The following ADGRL1 variants were observed in gnomAD, a reference collection of about 807,000 sequenced individuals.
The protein encoded by ADGRL1 is CIRL-1.
In ADGRL1, 31 loss-of-function variants were observed where a neutral mutation model predicts 148.9. That is an observed-to-expected ratio of 0.21 (90% confidence interval 0.16 to 0.28). The LOEUF (loss-of-function observed/expected upper bound fraction) is 0.28. Among genes scored for constraint, ADGRL1 ranks in the 10% least tolerant of loss-of-function variants. ADGRL1 has a pLI of 1.00. For synonymous variants in ADGRL1, 937 were observed against 900.3 expected, an observed-to-expected ratio of 1.04 and a Z score of -0.73; for missense variants, 1,521 against 2,058.8, an observed-to-expected ratio of 0.74 and a Z score of 5.05.
At chr19:14,182,664 G>C (rs1367688744) in intron 2 of ADGRL1, among the ~76,000 whole-genome samples, 1 of 152,206 alleles carries the variant, frequency 6.6e-6, no homozygotes, top group Non-Finnish European at 1.5e-5. Flanking sequence ...GAGGGCCGGG[G>C]GTGGAAGGCT....
intron 1 of ADGRL1, among the ~76,000 whole-genome samples, chr19:14,195,726 T>C (rs969784256): frequency 6.6e-6 from 1 of 152,154 alleles, no homozygotes; most frequent in African/African-American, 2.4e-5. Flanking sequence ...TGAATTTCAA[T>C]CTGCTGTGTA....
chr19:14,169,411 G>C (rs1007241150), intron 4 of ADGRL1: 2 of 152,162 alleles, frequency 1.3e-5, no homozygotes, highest in African/African-American at 4.8e-5. Context: ...TGCTGAGCTC[G>C]CTGCCTCCCA....
At position 14,204,137 on chromosome 19, in the gene ADGRL1, G is replaced by C. The variant is rs759801074; in HGVS notation, c.-96+1848C>G. On this transcript the variant is annotated intron_variant, in intron 1 of 22. Coordinates refer to ENST00000361434, the MANE Select transcript of ADGRL1 (RefSeq NM_014921.5). Reference sequence around the variant, plus strand: ...ATTAATGGGCAAGTCAGTTCTGAACGGCATGGCAGACAAATTGCTAGTTAG... The same window carrying C: ...ATTAATGGGCAAGTCAGTTCTGAACCGCATGGCAGACAAATTGCTAGTTAG... Among the ~76,000 whole-genome samples, 6 of 152,182 alleles carry C rather than the reference G, an allele frequency of 3.9e-5. No homozygotes were observed. The South Asian group carries it at 8.3e-4, about 21-fold the overall frequency.
chr19:14,181,561 A>T (rs766292538), intron 2 of ADGRL1, among the ~76,000 whole-genome samples: 1 of 151,944 alleles, frequency 6.6e-6, no homozygotes, highest in Non-Finnish European at 1.5e-5. Context: ...TCTACTAAAA[A>T]TACAAAAAAT....
At position 14,189,725 on chromosome 19, in the gene ADGRL1, A is replaced by T. The variant is rs140443701; in HGVS notation, c.-95-6028T>A. ...GAAGGATCCTTTTTATTTTCTCCCT[A>T]GCTTTGCTGAGGCATCATTGACAAA... On this transcript the variant is annotated intron_variant, in intron 1 of 22. Coordinates refer to ENST00000361434, the MANE Select transcript of ADGRL1 (RefSeq NM_014921.5). Among the ~76,000 whole-genome samples the T allele has an allele frequency of 6.1e-4, 93 of 152,260 alleles. No homozygotes were observed. In the East Asian group the frequency reaches 0.018, roughly 29 times the overall value.
intron 2 of ADGRL1, among the ~76,000 whole-genome samples, chr19:14,182,620 C>T (rs1010637275): frequency 4.6e-5 from 7 of 152,168 alleles, no homozygotes; most frequent in African/African-American, 1.7e-4. Context: ...CATCTGCCTC[C>T]TCATCTAATT....
chr19:14,159,017 G>T lies in ADGRL1; in HGVS notation c.2149+73C>A. The T allele has an allele frequency of 1.3e-6, 2 of 1,578,870 alleles. No individual in the cohort carries two copies. ...ACCGCTGCCCTCTACAAATGGCACA[G>T]AGACGCTGGCACAGAGCTGGGGGGT... On this transcript the variant is annotated intron_variant, in intron 11 of 22. Transcript: ENST00000361434. This position sits in a 1 kb window ranked among gnomAD's most constrained non-coding sequence, Gnocchi z 6.0.
Position 14,159,626 on chromosome 19 carries a change from C to G in ADGRL1, c.1840-42G>C. On this transcript the variant is annotated intron_variant, in intron 9 of 22. Transcript: ENST00000361434. This position sits in a 1 kb window ranked among gnomAD's most constrained non-coding sequence, Gnocchi z 6.0. ...CATGGTGCTGTGAGCCCCCCAACACCCTCTAATTCCTGGGGGTGGGCTCTG... is the reference window on the plus strand; with the variant it reads ...CATGGTGCTGTGAGCCCCCCAACACGCTCTAATTCCTGGGGGTGGGCTCTG... 1 of 1,593,848 alleles carries G rather than the reference C, an allele frequency of 6.3e-7. No homozygotes were observed. Among genetic ancestry groups the G allele is most frequent in the Non-Finnish European group, 8.6e-7 (1 of 1,165,368 alleles).
chr19:14,170,573 G>A, intron 4 of ADGRL1, 109 bp downstream of exon 4: 1 of 657,970 alleles, frequency 1.5e-6, no homozygotes, highest in Non-Finnish European at 2.8e-6. Context: ...TGTCCCCACT[G>A]TGCCCAGGCC....
rs1260364954 is a variant in ADGRL1, at chr19:14,148,737, C to G, written c.*2136G>C. ...CTACCAGAAAAAGCCAGAGTTGGAA[C>G]CCAACCCCACCTCTTCCCCACACCT... On this transcript the variant is annotated 3_prime_UTR_variant, in exon 23 of 23. Transcript: ENST00000361434. 2 of 152,726 alleles carry G rather than the reference C, an allele frequency of 1.3e-5. No individual in the cohort carries two copies. Among genetic ancestry groups the G allele is most frequent in the African/African-American group, 4.8e-5 (2 of 41,444 alleles). The allele number at this position is 152,726 out of a possible 1,614,324, so 9.5% of individuals were successfully genotyped here. A position where few individuals can be genotyped will look rare whatever the true frequency, so the allele number is the denominator to read the frequency against.
intron 1 of ADGRL1, among the ~76,000 whole-genome samples, chr19:14,205,152 C>G (rs948688161): frequency 8.6e-5 from 13 of 151,958 alleles, no homozygotes; most frequent in Admixed American, 6.6e-5. Flanking sequence ...ACACAGCATC[C>G]CCCCACCCCA....
rs1007917152 is a variant in ADGRL1 at position 14,161,686 on chromosome 19, T to C, written c.1196-60A>G. 6.6e-6 allele frequency: 8 copies of C among 1,214,348 alleles called. No individual in the cohort carries two copies. In the South Asian group the frequency reaches 1.4e-4, roughly 22 times the overall value. 75.2% of individuals were successfully genotyped at this position (1,214,348 alleles called of 1,614,324 possible). A position where few individuals can be genotyped will look rare whatever the true frequency, so the allele number is the denominator to read the frequency against. On this transcript the variant is annotated intron_variant, in intron 5 of 22. Transcript: ENST00000361434. This position sits in a 1 kb window ranked among gnomAD's most constrained non-coding sequence, Gnocchi z 4.4. ...GCTCAGGGCCATGCCACAGTGTGCTTGGGCAGGGGGTCCCAGGCCATCTTA... is the reference window on the plus strand; with the variant it reads ...GCTCAGGGCCATGCCACAGTGTGCTCGGGCAGGGGGTCCCAGGCCATCTTA...
In ADGRL1 at chr19:14,177,593, G is replaced by A; in HGVS notation, c.222C>T (p.Asp74=). ...GRTDDKICDA[D]PFQMENVQCY... Reference sequence around the variant, plus strand: ...ACTGCACATTCTCCATCTGGAAAGGGTCAGCATCGCAAATCTTGTCGTCCG... The same window carrying A: ...ACTGCACATTCTCCATCTGGAAAGGATCAGCATCGCAAATCTTGTCGTCCG... The change falls in exon 3 of 23, where the codon GAC becomes GAT. Residue 74 remains aspartate, a synonymous_variant. Transcript: ENST00000361434. The A allele has an allele frequency of 6.2e-7, 1 of 1,614,232 alleles. No homozygotes were observed. Among genetic ancestry groups the A allele is most frequent in the South Asian group, 1.1e-5 (1 of 91,086 alleles).
chr19:14,175,087 C>G (rs1343790147), intron 3 of ADGRL1, among the ~76,000 whole-genome samples: 1 of 152,114 alleles, frequency 6.6e-6, no homozygotes, highest in African/African-American at 2.4e-5. Context: ...AAGCGATCCC[C>G]CTGCCTCAGC....
rs552719407 is a variant in ADGRL1, at chr19:14,201,325, G to GA, written c.-96+4659_-96+4660insT. On this transcript the variant is annotated intron_variant, in intron 1 of 22. Transcript: ENST00000361434. ...TTGTTTTTTTTTTTTGGCGGGGTGG[G>GA]GGGGGGCAAGGTTATTTTTGGCCTG... Among the ~76,000 whole-genome samples, 116 of 144,096 alleles carry GA rather than the reference G, an allele frequency of 8.1e-4. 1 individual carries two copies. The highest frequency in any genetic ancestry group is 2.8e-3 in the African/African-American group (109 of 39,104). The allele number at this position is 144,096 out of a possible 152,430, so 94.5% of individuals were successfully genotyped here. A position where few individuals can be genotyped will look rare whatever the true frequency, so the allele number is the denominator to read the frequency against.
chr19:14,183,193 C>CAGAGAGAGAGGG (rs1971322561), intron 2 of ADGRL1, among the ~76,000 whole-genome samples: 1 of 145,306 alleles, frequency 6.9e-6, no homozygotes, highest in South Asian at 2.2e-4. Flanking sequence ...GATGTAATCA[C>CAGAGAGAGAGGG]AGAGAGAGAG....
intron 1 of ADGRL1, among the ~76,000 whole-genome samples, chr19:14,197,353 T>C (rs1487699302): frequency 1.3e-5 from 2 of 152,166 alleles, no homozygotes; most frequent in Admixed American, 6.5e-5. Flanking sequence ...AAAAATTCCC[T>C]GCCCCCGCCC....
chr19:14,152,390 C>A lies in ADGRL1; in HGVS notation c.3568G>T (p.Gly1190Trp). The A allele has an allele frequency of 6.2e-7, 1 of 1,601,616 alleles. No individual in the cohort carries two copies. Among genetic ancestry groups the A allele is most frequent in the Non-Finnish European group, 8.5e-7 (1 of 1,172,226 alleles). Residue 1190 changes from glycine (G) to tryptophan (W), a missense_variant, in exon 21 of 23, where the codon GGG (glycine) becomes TGG (tryptophan). Physicochemically the swap from Gly to Trp is radical, Grantham distance 184. Coordinates refer to ENST00000361434, the MANE Select transcript of ADGRL1 (RefSeq NM_014921.5). The surrounding 1 kb of genome is among the most constrained non-coding windows in gnomAD (Gnocchi z 6.1). ...AGGGTGTTGTAGGGACTGGTGCCCC[C>A]ACGGGGCTGCAGCACGGGGTTGGTC... ...LLTNPVLQPR[G>W]GTSPYNTLIA...
chr19:14,154,718 T>C (rs980945325), intron 18 of ADGRL1, among the ~76,000 whole-genome samples: 3 of 152,114 alleles, frequency 2.0e-5, no homozygotes, highest in Admixed American at 2.0e-4. Flanking sequence ...GCAATTCTCC[T>C]GCCTCAGCCC....
Sources: gnomAD v4.1 joint callset for allele counts (sites outside exome capture counted in the v4.1 genomes callset) on GRCh38, gnomAD v4.1.1 for gene constraint, Gnocchi (gnomAD v3.1) non-coding constraint, MANE v1.5 for transcripts, NCBI Gene and HGNC (gene_info 2026-07-23, HGNC 2026-07-21) for gene names.